The following SYCP2 variants were observed in gnomAD, a reference collection of about 807,000 sequenced individuals.
The protein encoded by SYCP2 is synaptonemal complex lateral element protein.
SYCP2 carries 55 observed loss-of-function variants against 211.3 expected under a neutral mutation model. The ratio of observed to expected loss-of-function variants is 0.26; its 90% CI spans 0.21 to 0.33. The LOEUF is 0.33. Ranked by LOEUF, SYCP2 falls within the 10% of genes least tolerant of loss-of-function variation. SYCP2 has a pLI of 1.00. For missense variants in SYCP2, 1,731 were observed against 1,752.0 expected (o/e 0.99, Z 0.21); for synonymous variants, 570 against 555.2 (o/e 1.03, Z -0.37).
At chr20:59,925,932 A>T (rs1220774792) in intron 2 of SYCP2, among the ~76,000 whole-genome samples, 1 of 152,080 alleles carries the variant, frequency 6.6e-6, no homozygotes, top group Admixed American at 6.6e-5. Flanking sequence ...AAAACCTCAC[A>T]GAGAACTGTG....
At chr20:59,879,649 G>A (rs181159538) in intron 31 of SYCP2, among the ~76,000 whole-genome samples, 419 of 150,508 alleles carry the variant, frequency 2.8e-3, no homozygotes, top group African/African-American at 9.7e-3. Flanking sequence ...CTATCACAGA[G>A]AAAGCAGAAG....
At chr20:59,893,669 G>C in intron 20 of SYCP2, 76 bp from the exon 21 acceptor site, 2 of 1,062,896 alleles carry the variant, frequency 1.9e-6, no homozygotes, top group Non-Finnish European at 2.7e-6. Context: ...ATTAAGGTTT[G>C]AGTCTTTTAA....
chr20:59,925,040 T>C (rs1166348354), intron 2 of SYCP2, among the ~76,000 whole-genome samples: 2 of 152,086 alleles, frequency 1.3e-5, no homozygotes, highest in African/African-American at 4.8e-5. Context: ...CAATTAAGTT[T>C]CTAGAACATA....
chr20:59,877,978 G>T, intron 32 of SYCP2, 30 bp downstream of exon 32: 1 of 1,536,360 alleles, frequency 6.5e-7, no homozygotes, highest in Non-Finnish European at 8.9e-7. Flanking sequence ...AATTTTAAAG[G>T]GATGTTTGAA....
chr20:59,921,327 C>T lies in SYCP2; in HGVS notation c.151G>A (p.Asp51Asn). ...KCSKQFFHKV[D>N]NLICRELNKE... ...ATATTTACCCTGCATATAAGGTTGT[C>T]CACCTTGTGGAAAAACTGTTTGCTG... is the stretch of plus-strand genomic sequence containing the variant. Residue 51 changes from aspartate to asparagine, a missense_variant, in exon 4 of 45, where the codon GAC becomes AAC. Asp to Asn is a conservative substitution (Grantham distance 23). Transcript: ENST00000357552. 2 of 1,602,936 alleles carry T rather than the reference C, an allele frequency of 1.2e-6. No homozygotes were observed. The highest frequency in any genetic ancestry group is 1.7e-6 in the Non-Finnish European group (2 of 1,174,026).
At chr20:59,921,692 C>A (rs2060544317) in intron 3 of SYCP2, among the ~76,000 whole-genome samples, 1 of 151,408 alleles carries the variant, frequency 6.6e-6, no homozygotes, top group African/African-American at 2.4e-5. Context: ...CAATTCATAT[C>A]TTTTATTACT....
At position 59,880,454 on chromosome 20, in the gene SYCP2, T is replaced by G. The variant is rs1351252474; in HGVS notation, c.2790A>C (p.Gln930His). The G allele has an allele frequency of 6.4e-7, 1 of 1,573,914 alleles. No individual in the cohort carries two copies. The highest frequency in any genetic ancestry group is 8.6e-7 in the Non-Finnish European group (1 of 1,157,536). The change falls in exon 31 of 45, where the codon CAA becomes CAC. Residue 930 changes from glutamine (Q) to histidine (H), a missense_variant. Gln to His is a conservative substitution (Grantham distance 24). This residue lies in a region of SYCP2 where 1,387 missense variants were observed against 1,351.3 expected (regional missense o/e 1.03). Transcript: ENST00000357552. ...TKDKKIITNHQKKNLFSDTET... is the reference protein window; with the variant it reads ...TKDKKIITNHHKKNLFSDTET... ...CAGTATCACTAAACAGATTTTTCTT[T>G]TGATGATTTGTTATAATCTATAAAA...
chr20:59,906,856 T>C (rs2060223237), intron 15 of SYCP2, among the ~76,000 whole-genome samples: 1 of 152,004 alleles, frequency 6.6e-6, no homozygotes, highest in South Asian at 2.1e-4. Context: ...ATATATACTT[T>C]ACAAAGGAAA....
At position 59,881,404 on chromosome 20, in the gene SYCP2, A is replaced by T. The variant is rs1424646355; in HGVS notation, c.2714+33T>A. 3 of 1,163,944 alleles carry T rather than the reference A, an allele frequency of 2.6e-6. No homozygotes were observed. In the East Asian group the frequency reaches 7.9e-5, roughly 31 times the overall value. 72.1% of individuals were successfully genotyped at this position (1,163,944 alleles called of 1,614,324 possible). A position where few individuals can be genotyped will look rare whatever the true frequency, so the allele number is the denominator to read the frequency against. ...GGAGATATTTAAGAGAAAAAAAAAGATCAGAATATTTTAATCTAATAAAAA... is the reference window on the plus strand; with the variant it reads ...GGAGATATTTAAGAGAAAAAAAAAGTTCAGAATATTTTAATCTAATAAAAA... On this transcript the variant is annotated intron_variant, in intron 29 of 44. Coordinates refer to ENST00000357552, the MANE Select transcript of SYCP2 (RefSeq NM_014258.4).
In SYCP2 at chr20:59,901,814, T is replaced by C. The variant is rs911522771; in HGVS notation, c.1034-4A>G. On this transcript the variant is annotated splice_polypyrimidine_tract_variant and splice_region_variant and intron_variant, in intron 15 of 44. Transcript: ENST00000357552. ...AGTAGCTTCTTTGATTCTCTCACTG[T>C]ATAGAAACAACACTGATTAGTTTAC... is the stretch of plus-strand genomic sequence containing the variant. 2 of 1,582,442 alleles carry C rather than the reference T, an allele frequency of 1.3e-6. No homozygotes were observed. The highest frequency in any genetic ancestry group is 2.3e-5 in the East Asian group (1 of 44,184).
chr20:59,916,429 A>G, intron 8 of SYCP2, 57 bp downstream of exon 8: 1 of 992,632 alleles, frequency 1.0e-6, no homozygotes, highest in Non-Finnish European at 1.6e-6. Flanking sequence ...TTTAATTGCT[A>G]TTGATTTTCT....
chr20:59,917,125 G>A (rs969044991), intron 7 of SYCP2, among the ~76,000 whole-genome samples: 7 of 151,434 alleles, frequency 4.6e-5, no homozygotes, highest in Non-Finnish European at 7.4e-5. Flanking sequence ...CACATAAGGA[G>A]GTATTTATTT....
rs543970732 is a variant in SYCP2, at chr20:59,885,459, TAC to T, written c.2529+467_2529+468del. On this transcript the variant is annotated intron_variant, in intron 26 of 44. Transcript: ENST00000357552. ...GGGGAGAAAACATTCAAGAAGAACT[TAC>T]AGAGGGTGAACTTCAAAACTTGAAA... 1.3e-4 allele frequency among the ~76,000 whole-genome samples: 20 copies of T among 152,206 alleles called. No homozygotes were observed. In the East Asian group the frequency reaches 2.5e-3, roughly 19 times the overall value.
At chr20:59,930,314 TAC>T (rs1333058468) in intron 2 of SYCP2, among the ~76,000 whole-genome samples, 2 of 152,172 alleles carry the variant, frequency 1.3e-5, no homozygotes, top group African/African-American at 2.4e-5. Context: ...CACAATTGAA[TAC>T]AGAGAAGGTT....
intron 35 of SYCP2, among the ~76,000 whole-genome samples, chr20:59,870,433 T>TA (rs1046708662): frequency 6.6e-6 from 1 of 151,748 alleles, no homozygotes; most frequent in Non-Finnish European, 1.5e-5. Flanking sequence ...ATGTAATTTT[T>TA]AAAAAAAGTC....
intron 13 of SYCP2, 165 bp from the exon 14 acceptor site, chr20:59,912,010 A>C: frequency 2.2e-6 from 1 of 447,932 alleles, no homozygotes; most frequent in East Asian, 3.5e-5. Context: ...CAATCAAATG[A>C]AATGCTACTT....
At chr20:59,865,285 C>A in intron 44 of SYCP2, 103 bp downstream of exon 44, 1 of 899,884 alleles carries the variant, frequency 1.1e-6, no homozygotes, top group South Asian at 1.7e-5. Context: ...TATTTTCTCT[C>A]AACCCAAAAG....
chr20:59,901,566 G>T, intron 16 of SYCP2, 96 bp downstream of exon 16: 1 of 744,070 alleles, frequency 1.3e-6, no homozygotes. Context: ...TACATTTTAA[G>T]AATTCTAGAA....
chr20:59,926,015 G>A (rs1366960132), intron 2 of SYCP2, among the ~76,000 whole-genome samples: 9 of 151,926 alleles, frequency 5.9e-5, no homozygotes, highest in African/African-American at 2.2e-4. Context: ...TAGTATTAAG[G>A]AAACAAACTT....
Sources: gnomAD v4.1 joint callset for allele counts (sites outside exome capture counted in the v4.1 genomes callset) on GRCh38, gnomAD v4.1.1 for gene constraint, gnomAD v4.1.1 regional missense constraint, MANE v1.5 for transcripts, NCBI Gene and HGNC (gene_info 2026-07-23, HGNC 2026-07-21) for gene names.